ADAM17: variants seen among roughly 807,000 people sequenced by gnomAD.
ADAM17 encodes ADAM metallopeptidase domain 17, also known as disintegrin and metalloproteinase domain-containing protein 17.
In ADAM17, 39 loss-of-function variants were observed where a neutral mutation model predicts 96.7. The ratio of observed to expected loss-of-function variants is 0.40; its 90% CI spans 0.31 to 0.53. The LOEUF (loss-of-function observed/expected upper bound fraction) is 0.53, where lower values mean the gene tolerates loss of function less well. Among genes scored for constraint, ADAM17 ranks in the 20% least tolerant of loss-of-function variants. The pLI, the probability that ADAM17 is intolerant of heterozygous loss-of-function variation, is 0.44. For missense variants in ADAM17, 777 were observed against 1,013.2 expected, an observed-to-expected ratio of 0.77 and a Z score of 3.17; for synonymous variants, 344 against 359.2, an observed-to-expected ratio of 0.96 and a Z score of 0.48.
intron 13 of ADAM17, among the ~76,000 whole-genome samples, chr2:9,501,221 TGTAA>T (rs924669541): frequency 3.3e-5 from 5 of 150,946 alleles, no homozygotes; most frequent in Admixed American, 6.6e-5. Context: ...TCAAGAAAAA[TGTAA>T]GTAAGTGCAT....
chr2:9,519,752 C>T (rs1165287644), intron 8 of ADAM17, among the ~76,000 whole-genome samples: 1 of 151,842 alleles, frequency 6.6e-6, no homozygotes, highest in African/African-American at 2.4e-5. Flanking sequence ...TGTGAGAACA[C>T]AGGGAGAAGA....
chr2:9,544,853 C>T (rs1665345958), intron 1 of ADAM17, among the ~76,000 whole-genome samples: 1 of 152,066 alleles, frequency 6.6e-6, no homozygotes, highest in African/African-American at 2.4e-5. Context: ...CCAAAAAGGG[C>T]TATTTTTTAT....
intron 11 of ADAM17, among the ~76,000 whole-genome samples, chr2:9,508,536 A>G (rs1161898985): frequency 6.6e-6 from 1 of 152,230 alleles, no homozygotes; most frequent in Non-Finnish European, 1.5e-5. Flanking sequence ...CAATTTTAGG[A>G]CATTTCCATC....
chr2:9,492,281 G>A (rs745368302), intron 17 of ADAM17, among the ~76,000 whole-genome samples: 6 of 152,174 alleles, frequency 3.9e-5, no homozygotes, highest in Non-Finnish European at 8.8e-5. Flanking sequence ...GAATGGATTC[G>A]TAAGAACATT....
At chr2:9,546,844 G>A (rs1200327016) in intron 1 of ADAM17, among the ~76,000 whole-genome samples, 2 of 151,924 alleles carry the variant, frequency 1.3e-5, no homozygotes, top group African/African-American at 2.4e-5. Context: ...CAAGTAGCTG[G>A]GACTACAGGT....
chr2:9,538,017 G>GAGGGGAGGGGAGGGA (rs1665057512), intron 2 of ADAM17, among the ~76,000 whole-genome samples: 1 of 39,750 alleles, frequency 2.5e-5, no homozygotes, highest in Non-Finnish European at 5.8e-5. Flanking sequence ...GAGGGGAGGA[G>GAGGGGAGGGGAGGGA]AGGGGAGGGG....
At chr2:9,500,094 T>C (rs1376815822) in intron 13 of ADAM17, among the ~76,000 whole-genome samples, 4 of 151,962 alleles carry the variant, frequency 2.6e-5, no homozygotes, top group African/African-American at 4.8e-5. Flanking sequence ...AACTCATAGA[T>C]AAATGTTCAC....
chr2:9,533,365 T>A (rs577969857), intron 4 of ADAM17, among the ~76,000 whole-genome samples: 2 of 151,446 alleles, frequency 1.3e-5, no homozygotes, highest in African/African-American at 2.4e-5. Flanking sequence ...TGGCCAACAT[T>A]GTGAAACCCT....
intron 1 of ADAM17, among the ~76,000 whole-genome samples, chr2:9,548,121 TC>T (rs1375846396): frequency 1.3e-5 from 2 of 148,522 alleles, no homozygotes; most frequent in Admixed American, 1.3e-4. Context: ...TCACTTGAGG[TC>T]AGGAGTTAGA....
intron 11 of ADAM17, among the ~76,000 whole-genome samples, chr2:9,506,386 T>C (rs371542389): frequency 2.1e-5 from 3 of 144,326 alleles, no homozygotes; most frequent in Non-Finnish European, 4.5e-5. Context: ...TTTTTTTTTT[T>C]AGATGGAGTC....
In ADAM17 at chr2:9,524,214, T is replaced by C. The variant is rs546460610; in HGVS notation, c.754-876A>G. Among the ~76,000 whole-genome samples, 22 of 152,300 alleles carry C rather than the reference T, an allele frequency of 1.4e-4. 2 individuals are homozygous for C. The South Asian group carries it at 4.3e-3, about 30-fold the overall frequency. ...TTAAATTTTTGGAGAATCAAAGTTA[T>C]ACAGTGGCCGGGCATAGTGGCTCAT... is the stretch of plus-strand genomic sequence containing the variant. On this transcript the variant is annotated intron_variant, in intron 6 of 18. Transcript: ENST00000310823.
At chr2:9,515,629 C>A (rs1178641799) in intron 10 of ADAM17, among the ~76,000 whole-genome samples, 2 of 150,864 alleles carry the variant, frequency 1.3e-5, no homozygotes, top group Non-Finnish European at 2.9e-5. Context: ...CCCAGCTACT[C>A]AGGAGACTGA....
rs762200753 is a variant in ADAM17 at position 9,494,649 on chromosome 2, A to G, written c.1902T>C (p.Phe634=). 119 of 1,613,942 alleles carry G rather than the reference A, an allele frequency of 7.4e-5. No individual in the cohort carries two copies. The highest frequency in any genetic ancestry group is 9.4e-5 in the Non-Finnish European group (111 of 1,179,934). ...LRKGKPCTVG[F]CDMNGKCEKR... ...CATAAATACTCACATTCATGTCACA[A>G]AATCCTACTGTACAGGGCTTTCCTT... Residue 634 remains phenylalanine (F), a synonymous_variant, in exon 15 of 19, where the codon TTT becomes TTC. Transcript: ENST00000310823.
intron 6 of ADAM17, among the ~76,000 whole-genome samples, chr2:9,523,686 C>G (rs1265465613): frequency 6.6e-6 from 1 of 152,126 alleles, no homozygotes; most frequent in Non-Finnish European, 1.5e-5. Context: ...ACCTGAAATA[C>G]AGTTGACCCT....
Position 9,518,217 on chromosome 2 carries a change from A to C in ADAM17, c.988T>G (p.Ser330Ala), listed in dbSNP as rs1664150416. 19 of 1,473,398 alleles carry C rather than the reference A, an allele frequency of 1.3e-5. No individual in the cohort carries two copies. Among genetic ancestry groups the C allele is most frequent in the Non-Finnish European group, 1.7e-5 (19 of 1,098,110 alleles). The allele number at this position is 1,473,398 out of a possible 1,614,324, so 91.3% of individuals were successfully genotyped here. A position where few individuals can be genotyped will look rare whatever the true frequency, so the allele number is the denominator to read the frequency against. The change falls in exon 9 of 19, where the codon TCT becomes GCT. Residue 330 changes from serine to alanine, a missense_variant. Coordinates refer to ENST00000310823, the MANE Select transcript of ADAM17 (RefSeq NM_003183.6). Reference sequence around the variant, plus strand: ...AAAAGGTGTGCCAAGCAAACTTTAGATGCTTCCTCAGCTATATCAAAGCTA... The same window carrying C: ...AAAAGGTGTGCCAAGCAAACTTTAGCTGCTTCCTCAGCTATATCAAAGCTA... ...QFSFDIAEEA[S>A]KVCLAHLFTY...
At chr2:9,514,668 T>C (rs888617257) in intron 10 of ADAM17, among the ~76,000 whole-genome samples, 8 of 149,194 alleles carry the variant, frequency 5.4e-5, no homozygotes, top group African/African-American at 1.7e-4. Context: ...GGTCAGGAGA[T>C]TGAGACCATC....
chr2:9,533,493 G>C (rs1345428260), intron 4 of ADAM17, among the ~76,000 whole-genome samples: 1 of 152,160 alleles, frequency 6.6e-6, no homozygotes, highest in Non-Finnish European at 1.5e-5. Context: ...TCTGCAGTGA[G>C]CTGAGATCAC....
At chr2:9,523,750 C>A (rs1664406543) in intron 6 of ADAM17, among the ~76,000 whole-genome samples, 1 of 152,200 alleles carries the variant, frequency 6.6e-6, no homozygotes, top group East Asian at 1.9e-4. Context: ...TTCCTTGAGC[C>A]TCTGTCACCA....
chr2:9,516,791 T>C (rs1026537370), intron 10 of ADAM17, among the ~76,000 whole-genome samples: 3 of 152,066 alleles, frequency 2.0e-5, no homozygotes, highest in Non-Finnish European at 4.4e-5. Flanking sequence ...AAAATCAGTA[T>C]ATCAGATACT....
Sources: gnomAD v4.1 joint callset for allele counts (sites outside exome capture counted in the v4.1 genomes callset) on GRCh38, gnomAD v4.1.1 for gene constraint, MANE v1.5 for transcripts, NCBI Gene and HGNC (gene_info 2026-07-23, HGNC 2026-07-21) for gene names.